The following DDX43 variants were observed in gnomAD, a reference collection of about 807,000 sequenced individuals.
The protein encoded by DDX43 is probable ATP-dependent RNA helicase DDX43.
In DDX43, 50 loss-of-function variants were observed where a neutral mutation model predicts 84.9. That is an observed-to-expected ratio of 0.59 (90% CI 0.47 to 0.75). The LOEUF is 0.75. DDX43 is among the 30% of genes least tolerant of loss of function. The pLI is 0.00. For synonymous variants in DDX43, 291 were observed against 266.3 expected (o/e 1.09, Z -0.90); for missense variants, 689 against 798.6 (o/e 0.86, Z 1.65).
At chr6:73,407,665 T>C in intron 8 of DDX43, 50 bp downstream of exon 8, 1 of 1,279,592 alleles carries the variant, frequency 7.8e-7, no homozygotes, top group Non-Finnish European at 1.1e-6. Flanking sequence ...TTTTAATCAT[T>C]TGTAGCTTTA....
At chr6:73,408,630 C>G (rs1430278806) in intron 9 of DDX43, among the ~76,000 whole-genome samples, 2 of 151,812 alleles carry the variant, frequency 1.3e-5, no homozygotes, top group East Asian at 2.0e-4. Flanking sequence ...GATCTTGGCT[C>G]ACTGCAACCT....
chr6:73,412,668 T>TGTGTGTGTGTGTGTGTGCGCGCGC (rs538597626), intron 11 of DDX43, among the ~76,000 whole-genome samples: 2 of 108,394 alleles, frequency 1.8e-5, no homozygotes, highest in African/African-American at 7.9e-5. Flanking sequence ...TGTGTGTGTG[T>TGTGTGTGTGTGTGTGTGCGCGCGC]GCGCGCGCGC....
chr6:73,396,120 G>A (rs1769466199), intron 1 of DDX43, among the ~76,000 whole-genome samples: 1 of 151,506 alleles, frequency 6.6e-6, no homozygotes, highest in South Asian at 2.1e-4. Context: ...CACCACACCT[G>A]GCTAATTTTT....
At chr6:73,401,420 T>A (rs1769566056) in intron 3 of DDX43, among the ~76,000 whole-genome samples, 1 of 152,196 alleles carries the variant, frequency 6.6e-6, no homozygotes, top group Non-Finnish European at 1.5e-5. Flanking sequence ...TTTTATAAGT[T>A]GTTGAATGAT....
At chr6:73,405,291 C>T (rs1041476392) in intron 5 of DDX43, among the ~76,000 whole-genome samples, 3 of 152,134 alleles carry the variant, frequency 2.0e-5, no homozygotes, top group African/African-American at 7.2e-5. Context: ...TGTATGATCA[C>T]CTGTCAAATT....
intron 12 of DDX43, 49 bp downstream of exon 12, chr6:73,413,834 G>T: frequency 1.9e-6 from 3 of 1,578,036 alleles, no homozygotes; most frequent in Non-Finnish European, 2.6e-6. Flanking sequence ...AATTGATTAG[G>T]ATCATTTCTA....
At chr6:73,413,460 AG>A (rs1769842822) in intron 11 of DDX43, 197 bp from the exon 12 acceptor site, 2 of 440,220 alleles carry the variant, frequency 4.5e-6, no homozygotes, top group Non-Finnish European at 8.0e-6. Context: ...TGGTACCAAT[AG>A]TATTTTGAGG....
intron 4 of DDX43, 124 bp downstream of exon 4, chr6:73,402,114 G>A: frequency 1.7e-6 from 2 of 1,201,260 alleles, no homozygotes; most frequent in Non-Finnish European, 2.4e-6. Flanking sequence ...AATCTAAAAT[G>A]CTGCAATTAG....
At position 73,400,343 on chromosome 6, in the gene DDX43, A is replaced by G. The variant is rs779586725; in HGVS notation, c.416A>G (p.Tyr139Cys). ...DNFVKKLEEN[Y>C]NSECGIDTAF... is the part of the protein sequence containing the mutation. ...TTTGTTAAAAAGCTAGAAGAAAATT[A>G]CAATTCAGAATGCGGAATTGGTAAG... Residue 139 changes from tyrosine to cysteine, a missense_variant, in exon 3 of 17, where the codon TAC becomes TGC. This residue lies in a region of DDX43 where 552 missense variants were observed against 692.7 expected (regional missense o/e 0.80). Transcript: ENST00000370336. The G allele has an allele frequency of 1.9e-6, 3 of 1,607,430 alleles. No homozygotes were observed. Among genetic ancestry groups the G allele is most frequent in the Non-Finnish European group, 2.5e-6 (3 of 1,178,018 alleles).
rs189853564 is a variant in DDX43 at position 73,397,779 on chromosome 6, C to T, written c.306+35C>T. 255 of 1,579,266 alleles carry T rather than the reference C, an allele frequency of 1.6e-4. 1 individual carries two copies. In the African/African-American group the frequency reaches 3.0e-3, roughly 19 times the overall value. The stretch of plus-strand genomic sequence containing the variant: ...CTGTGTTTTTCGGCCCTTAAGAGAG[C>T]ATCATGCATTTCTAAGGGAGCACCT... On this transcript the variant is annotated intron_variant, in intron 2 of 16. Coordinates refer to ENST00000370336, the MANE Select transcript of DDX43 (RefSeq NM_018665.3).
intron 5 of DDX43, 118 bp downstream of exon 5, chr6:73,404,889 A>G: frequency 2.5e-6 from 2 of 796,432 alleles, no homozygotes; most frequent in Non-Finnish European, 4.0e-6. Context: ...TCAAATGAAA[A>G]TGTGTCAACT....
Position 73,414,021 on chromosome 6 carries a change from T to G in DDX43, c.1548T>G (p.Ser516=), listed in dbSNP as rs775832549. The G allele has an allele frequency of 2.5e-6, 4 of 1,612,452 alleles. No individual in the cohort carries two copies. Among genetic ancestry groups the G allele is most frequent in the Non-Finnish European group, 3.4e-6 (4 of 1,178,640 alleles). ...DLILGNISVE[S]LHGDREQRDR... is the part of the protein sequence containing the mutation. ...TACTTGGAAATATATCAGTAGAGTC[T>G]CTGCATGGAGATAGAGAACAGAGAG... The change falls in exon 13 of 17, where the codon TCT becomes TCG. Residue 516 remains serine, a synonymous_variant. Transcript: ENST00000370336.
At position 73,409,188 on chromosome 6, in the gene DDX43, A is replaced by G. The variant is rs535353887; in HGVS notation, c.1180-60A>G. On this transcript the variant is annotated intron_variant, in intron 9 of 16. Transcript: ENST00000370336. Reference sequence around the variant, plus strand: ...TTAGTGTTCTACTAATAAAGAAAGCATATGTATTATTACCTGCCTCCCATA... The same window carrying G: ...TTAGTGTTCTACTAATAAAGAAAGCGTATGTATTATTACCTGCCTCCCATA... The G allele has an allele frequency of 1.2e-5, 14 of 1,213,312 alleles. No individual in the cohort carries two copies. The Admixed American group carries it at 1.4e-4, about 12-fold the overall frequency. 75.2% of individuals were successfully genotyped at this position (1,213,312 alleles called of 1,614,324 possible). A position where few individuals can be genotyped will look rare whatever the true frequency, so the allele number is the denominator to read the frequency against.
intron 1 of DDX43, among the ~76,000 whole-genome samples, chr6:73,395,643 A>G (rs1769455096): frequency 6.6e-6 from 1 of 151,886 alleles, no homozygotes; most frequent in African/African-American, 2.4e-5. Context: ...AAGTAATTTA[A>G]TCCACCTTTT....
At position 73,406,356 on chromosome 6, in the gene DDX43, C is replaced by A; in HGVS notation, c.808-8C>A. The A allele has an allele frequency of 6.3e-7, 1 of 1,576,846 alleles. No individual in the cohort carries two copies. Among genetic ancestry groups the A allele is most frequent in the South Asian group, 1.1e-5 (1 of 89,626 alleles). On this transcript the variant is annotated splice_region_variant and splice_polypyrimidine_tract_variant and intron_variant, in intron 6 of 16. Transcript: ENST00000370336. ...CTTTTTGTGTTAATGTTTATCATTC[C>A]GTTTCAGTCACAGGCATGGCCCATT...
chr6:73,417,117 T>A (rs1360341537), intron 16 of DDX43, 70 bp from the exon 17 acceptor site: 1 of 152,198 alleles, frequency 6.6e-6, no homozygotes, highest in African/African-American at 2.4e-5. Flanking sequence ...TTTGGGTATG[T>A]TTATTTAATC....
chr6:73,395,236 C>T, intron 1 of DDX43, 81 bp downstream of exon 1: 1 of 1,475,004 alleles, frequency 6.8e-7, no homozygotes, highest in South Asian at 1.3e-5. Context: ...TCCCCACTGC[C>T]TCACCTCCAA....
intron 16 of DDX43, among the ~76,000 whole-genome samples, chr6:73,416,839 G>A (rs1769913371): frequency 6.6e-6 from 1 of 152,156 alleles, no homozygotes; most frequent in Non-Finnish European, 1.5e-5. Context: ...AGGAGTTTGA[G>A]ACCAACCTGG....
chr6:73,407,495 C>G lies in DDX43; in HGVS notation c.927-10C>G. On this transcript the variant is annotated splice_polypyrimidine_tract_variant and intron_variant, in intron 7 of 16. Coordinates refer to ENST00000370336, the MANE Select transcript of DDX43 (RefSeq NM_018665.3). ...AAGTAATTTAATATTAATCTGTTTT[C>G]TCTCCAAAGCCTTAAAGGTCAAAGG... 1 of 1,558,056 alleles carries G rather than the reference C, an allele frequency of 6.4e-7. No homozygotes were observed.
Sources: gnomAD v4.1 joint callset for allele counts (sites outside exome capture counted in the v4.1 genomes callset) on GRCh38, gnomAD v4.1.1 for gene constraint, gnomAD v4.1.1 regional missense constraint, MANE v1.5 for transcripts, NCBI Gene and HGNC (gene_info 2026-07-23, HGNC 2026-07-21) for gene names.